NREP: variants seen among roughly 807,000 people sequenced by gnomAD.
NREP encodes the protein neuronal regeneration related protein, also known as neuronal regeneration-related protein.
NREP carries 5 observed loss-of-function variants against 8.6 expected under a neutral mutation model. The observed-to-expected ratio is 0.58, with a 90% CI of 0.30 to 1.22. NREP has a LOEUF of 1.22. Ranked by LOEUF, NREP falls within the 50% of genes most tolerant of loss-of-function variation. The pLI is 0.07. For synonymous variants in NREP, 27 were observed against 28.0 expected, an observed-to-expected ratio of 0.96 and a Z score of 0.11; for missense variants, 86 against 82.5, an observed-to-expected ratio of 1.04 and a Z score of -0.17.
chr5:111,865,127 A>G (rs1320493776), intron 2 of NREP, among the ~76,000 whole-genome samples: 1 of 152,182 alleles, frequency 6.6e-6, no homozygotes, highest in Admixed American at 6.6e-5. Flanking sequence ...GGACCACTAC[A>G]GTTCTCCCAG....
intron 2 of NREP, among the ~76,000 whole-genome samples, chr5:111,902,666 T>C (rs1349074594): frequency 1.3e-5 from 2 of 152,178 alleles, no homozygotes; most frequent in Admixed American, 1.3e-4. Context: ...GATAACATCT[T>C]ATTACAAGAA....
chr5:111,947,015 G>C (rs1039598208), intron 2 of NREP, among the ~76,000 whole-genome samples: 75 of 152,162 alleles, frequency 4.9e-4, no homozygotes, highest in African/African-American at 1.7e-3. Context: ...TAGTTAATGA[G>C]TTTTAACTCT....
intron 2 of NREP, among the ~76,000 whole-genome samples, chr5:111,836,764 AC>A (rs967953036): frequency 1.3e-5 from 2 of 151,998 alleles, no homozygotes; most frequent in African/African-American, 4.8e-5. Flanking sequence ...GTCTGCAAAG[AC>A]CTGGTAACTG....
In NREP at chr5:111,792,884, C is replaced by A. The variant is rs1223901525; in HGVS notation, c.136-57377G>T. ...GTTAAATTGGCACATATTAAAGCCA[C>A]ATCAGGATGGGAAAATTTTTTTCTG... is the stretch of plus-strand genomic sequence containing the variant. On this transcript the variant is annotated intron_variant, in intron 2 of 3. Transcript: ENST00000395634. 2.6e-5 allele frequency among the ~76,000 whole-genome samples: 4 copies of A among 152,296 alleles called. No homozygotes were observed. The East Asian group carries it at 7.7e-4, about 29-fold the overall frequency.
upstream of NREP, among the ~76,000 whole-genome samples, chr5:111,760,018 A>T (rs996743281): frequency 6.6e-5 from 10 of 152,252 alleles, no homozygotes; most frequent in African/African-American, 2.4e-4. Context: ...TTTAGGGCAC[A>T]TAATTATCCC....
At chr5:111,953,363 CTA>C (rs1335354749) in intron 2 of NREP, among the ~76,000 whole-genome samples, 3 of 152,134 alleles carry the variant, frequency 2.0e-5, no homozygotes, top group Admixed American at 1.3e-4. Flanking sequence ...TTTGAACACT[CTA>C]TGCCTGGGTT....
intron 2 of NREP, among the ~76,000 whole-genome samples, chr5:111,896,408 C>A (rs1462142894): frequency 6.6e-6 from 1 of 152,068 alleles, no homozygotes; most frequent in Admixed American, 6.6e-5. Context: ...GTTTCATATG[C>A]CTGTGAAACA....
intron 2 of NREP, among the ~76,000 whole-genome samples, chr5:111,821,064 A>T (rs1354945682): frequency 1.3e-5 from 2 of 152,200 alleles, no homozygotes; most frequent in Non-Finnish European, 2.9e-5. Context: ...AAGCACACCA[A>T]GTGCATTCTG....
chr5:111,763,306 T>C (rs764001793), intron 2 of NREP, among the ~76,000 whole-genome samples: 13 of 152,156 alleles, frequency 8.5e-5, no homozygotes, highest in Non-Finnish European at 1.9e-4. Context: ...CTTAGCAAAT[T>C]GTGAAATATG....
intron 2 of NREP, among the ~76,000 whole-genome samples, chr5:111,839,188 C>A (rs993186358): frequency 6.6e-6 from 1 of 152,008 alleles, no homozygotes; most frequent in African/African-American, 2.4e-5. Flanking sequence ...AAAGTTTTAG[C>A]CTAATATTTA....
intron 2 of NREP, among the ~76,000 whole-genome samples, chr5:111,872,755 T>C (rs1753818370): frequency 1.3e-5 from 2 of 152,182 alleles, no homozygotes; most frequent in Admixed American, 1.3e-4. Flanking sequence ...AATAAATATT[T>C]GTATTTGTGA....
intron 2 of NREP, among the ~76,000 whole-genome samples, chr5:111,874,966 C>T (rs1304602598): frequency 6.6e-6 from 1 of 152,094 alleles, no homozygotes; most frequent in African/African-American, 2.4e-5. Flanking sequence ...TGTTAAGATG[C>T]AAATACCACA....
chr5:111,827,094 C>G (rs1467787952), intron 2 of NREP, among the ~76,000 whole-genome samples: 1 of 152,142 alleles, frequency 6.6e-6, no homozygotes, highest in African/African-American at 2.4e-5. Flanking sequence ...TTCTTAAACA[C>G]TAATTTTGAT....
chr5:111,956,472 C>T (rs1020807446), intron 2 of NREP, among the ~76,000 whole-genome samples: 1 of 148,420 alleles, frequency 6.7e-6, no homozygotes, highest in Non-Finnish European at 1.5e-5. Context: ...TTGAAGAGAC[C>T]TAAAAAAAAT....
intron 3 of NREP, chr5:111,734,697 T>C (rs1424782144): frequency 1.4e-6 from 1 of 699,930 alleles, no homozygotes; most frequent in Non-Finnish European, 2.6e-6. Context: ...TATGAAACTT[T>C]CAAATAGAAA....
intron 2 of NREP, among the ~76,000 whole-genome samples, chr5:111,879,903 G>A (rs988972660): frequency 1.3e-5 from 2 of 152,100 alleles, no homozygotes; most frequent in Non-Finnish European, 2.9e-5. Flanking sequence ...TTTCATGAGG[G>A]CCCCATCCTC....
chr5:111,903,884 C>T (rs1754712019), intron 2 of NREP, among the ~76,000 whole-genome samples: 1 of 152,134 alleles, frequency 6.6e-6, no homozygotes, highest in South Asian at 2.1e-4. Context: ...ATGATCTTAT[C>T]ACTGGCTGAA....
chr5:111,891,039 C>A (rs1393743359), intron 2 of NREP, among the ~76,000 whole-genome samples: 1 of 152,196 alleles, frequency 6.6e-6, no homozygotes, highest in Admixed American at 6.6e-5. Flanking sequence ...GCAAGTTTTC[C>A]AAATTTTTAT....
At position 111,911,454 on chromosome 5, in the gene NREP, T is replaced by C. The variant is rs531397544; in HGVS notation, c.135+63820A>G. ...TAGCCCATTAATTCTGCACTGCTAT[T>C]ATCTCTACTTCCAATGCCATTAATC... is the stretch of plus-strand genomic sequence containing the variant. On this transcript the variant is annotated intron_variant, in intron 2 of 3. Transcript: ENST00000395634. 1.7e-4 allele frequency among the ~76,000 whole-genome samples: 26 copies of C among 152,238 alleles called. No individual in the cohort carries two copies. The South Asian group carries it at 5.2e-3, about 30-fold the overall frequency.
Sources: gnomAD v4.1 joint callset for allele counts (sites outside exome capture counted in the v4.1 genomes callset) on GRCh38, gnomAD v4.1.1 for gene constraint, MANE v1.5 for transcripts, NCBI Gene and HGNC (gene_info 2026-07-23, HGNC 2026-07-21) for gene names.